The following CYTH4 variants were observed in gnomAD, a reference collection of about 807,000 sequenced individuals.
CYTH4 encodes cytohesin-4.
In CYTH4, 22 loss-of-function variants were observed where a neutral mutation model predicts 57.5. The ratio of observed to expected loss-of-function variants is 0.38; its 90% CI spans 0.27 to 0.55. CYTH4 has a LOEUF of 0.55. Ranked by LOEUF, CYTH4 falls within the 20% of genes least tolerant of loss-of-function variation. CYTH4 has a pLI of 0.74. For synonymous variants in CYTH4, 186 were observed against 206.5 expected (o/e 0.90, Z 0.85); for missense variants, 420 against 535.6 (o/e 0.78, Z 2.13).
intron 8 of CYTH4, among the ~76,000 whole-genome samples, chr22:37,307,091 G>A (rs963229620): frequency 3.3e-5 from 5 of 152,206 alleles, no homozygotes; most frequent in East Asian, 1.9e-4. Context: ...CAGGGCCACC[G>A]GAAGGAGGCC....
chr22:37,296,887 G>C (rs945405103), intron 4 of CYTH4, among the ~76,000 whole-genome samples: 1 of 152,208 alleles, frequency 6.6e-6, no homozygotes, highest in African/African-American at 2.4e-5. Flanking sequence ...GGAACACAGA[G>C]GAATCTTCAC....
At chr22:37,308,859 C>T (rs755835723) in intron 8 of CYTH4, among the ~76,000 whole-genome samples, 6 of 139,286 alleles carry the variant, frequency 4.3e-5, no homozygotes, top group Non-Finnish European at 7.7e-5. Flanking sequence ...TGTGTGTGAA[C>T]GTGCATACAT....
At chr22:37,293,031 G>A (rs761970604) in intron 2 of CYTH4, among the ~76,000 whole-genome samples, 4 of 152,244 alleles carry the variant, frequency 2.6e-5, no homozygotes, top group Non-Finnish European at 5.9e-5. Context: ...CACCCCTGCA[G>A]AGTGTAGACC....
intron 1 of CYTH4, among the ~76,000 whole-genome samples, chr22:37,286,825 T>A (rs558865279): frequency 6.6e-6 from 1 of 152,152 alleles, no homozygotes; most frequent in East Asian, 1.9e-4. Flanking sequence ...ATTTGGGGTC[T>A]TTGTCCCCAG....
In CYTH4 at chr22:37,297,644, C is replaced by G. The variant is rs1929026015; in HGVS notation, c.315C>G (p.Gly105=). The part of the protein sequence containing the change: ...DIARFLYKGE[G]LNKTAIGTYL... ...CACGGTTCCTGTATAAAGGCGAGGG[C>G]CTCAACAAGACAGCCATTGGTACCT... Residue 105 remains glycine (G), a synonymous_variant, in exon 5 of 13, where the codon GGC becomes GGG. Transcript: ENST00000248901. The G allele has an allele frequency of 1.9e-6, 3 of 1,613,818 alleles. No homozygotes were observed. In the African/African-American group the frequency reaches 4.0e-5, roughly 22 times the overall value.
At chr22:37,284,764 G>A (rs961263383) in intron 1 of CYTH4, among the ~76,000 whole-genome samples, 2 of 152,120 alleles carry the variant, frequency 1.3e-5, no homozygotes, top group African/African-American at 4.8e-5. Flanking sequence ...CCCCAGGGCT[G>A]CCTCCCCTCC....
chr22:37,283,150 G>A (rs1432307116), intron 1 of CYTH4, among the ~76,000 whole-genome samples: 2 of 151,494 alleles, frequency 1.3e-5, no homozygotes, highest in African/African-American at 2.4e-5. Context: ...GCCCCCGGGG[G>A]TTGGGGTGGT....
chr22:37,289,951 C>A (rs1020307321), intron 1 of CYTH4, among the ~76,000 whole-genome samples: 1 of 152,164 alleles, frequency 6.6e-6, no homozygotes, highest in Non-Finnish European at 1.5e-5. Flanking sequence ...CCCACACCTG[C>A]CATTCCCCTC....
At chr22:37,287,994 G>C (rs1344392217) in intron 1 of CYTH4, among the ~76,000 whole-genome samples, 1 of 152,172 alleles carries the variant, frequency 6.6e-6, no homozygotes, top group African/African-American at 2.4e-5. Flanking sequence ...AAACTCCAGA[G>C]TGGGCCGGGC....
intron 8 of CYTH4, among the ~76,000 whole-genome samples, chr22:37,303,942 C>T (rs952258477): frequency 6.6e-6 from 1 of 152,182 alleles, no homozygotes; most frequent in African/African-American, 2.4e-5. Context: ...CACAGGGGCC[C>T]CAGGGATGAA....
intron 8 of CYTH4, chr22:37,304,051 G>A (rs1462979335): frequency 2.4e-6 from 1 of 412,474 alleles, no homozygotes; most frequent in East Asian, 7.1e-5. Flanking sequence ...GCTGGCTGTG[G>A]GGATGGAGCT....
intron 7 of CYTH4, 132 bp from the exon 8 acceptor site, chr22:37,303,121 CT>C (rs1236453534): frequency 7.4e-7 from 1 of 1,355,116 alleles, no homozygotes; most frequent in African/African-American, 1.9e-5. Context: ...GAGGCTGGGC[CT>C]CAAAGCCCAA....
rs1234167365 is a variant in CYTH4 at position 37,313,669 on chromosome 22, C to T, written c.*158C>T. 5.7e-6 allele frequency: 4 copies of T among 705,594 alleles called. No individual in the cohort carries two copies. The highest frequency in any genetic ancestry group is 5.3e-5 in the African/African-American group (3 of 56,144). The allele number at this position is 705,594 out of a possible 1,614,324, so 43.7% of individuals were successfully genotyped here. On this transcript the variant is annotated 3_prime_UTR_variant, in exon 13 of 13. Coordinates refer to ENST00000248901, the MANE Select transcript of CYTH4 (RefSeq NM_013385.5). Reference sequence around the variant, plus strand: ...TGACTCTAGAGGGGAAGGCAGAGCTCAGGAGGGTGGGTGGGAGCTGCAGTG... The same window carrying T: ...TGACTCTAGAGGGGAAGGCAGAGCTTAGGAGGGTGGGTGGGAGCTGCAGTG...
chr22:37,311,831 G>A lies in CYTH4; in HGVS notation c.958-189G>A, dbSNP rs527648496. 28 of 774,992 alleles carry A rather than the reference G, an allele frequency of 3.6e-5. No individual in the cohort carries two copies. Among genetic ancestry groups the A allele is most frequent in the Non-Finnish European group, 4.4e-5 (22 of 495,430 alleles). 48.0% of individuals were successfully genotyped at this position (774,992 alleles called of 1,614,324 possible). The stretch of plus-strand genomic sequence containing the variant: ...CCCACATGTCACGTGGGGACTTTAG[G>A]GAGGATGGTGGATTCAGGAGCCTGC... On this transcript the variant is annotated intron_variant, in intron 11 of 12. Transcript: ENST00000248901. The surrounding 1 kb of genome is among the most constrained non-coding windows in gnomAD (Gnocchi z 4.4).
Position 37,292,655 on chromosome 22 carries a change from G to A in CYTH4, c.54G>A (p.Glu18=). Reference sequence around the variant, plus strand: ...AGCTGAGCAGCGGGGAGACGGAAGAGTTACAGAGGATCAAGTGGCACCGAA... The same window carrying A: ...AGCTGAGCAGCGGGGAGACGGAAGAATTACAGAGGATCAAGTGGCACCGAA... ...PAELSSGETE[E]LQRIKWHRKQ... The change falls in exon 2 of 13, where the codon GAG becomes GAA. Residue 18 remains glutamate, a synonymous_variant. Coordinates refer to ENST00000248901, the MANE Select transcript of CYTH4 (RefSeq NM_013385.5). The A allele has an allele frequency of 6.2e-7, 1 of 1,613,942 alleles. No homozygotes were observed.
At chr22:37,310,264 G>A (rs749095433) in intron 9 of CYTH4, among the ~76,000 whole-genome samples, 10 of 152,054 alleles carry the variant, frequency 6.6e-5, no homozygotes, top group Admixed American at 2.0e-4. Context: ...GAAGCTCTAT[G>A]TCATAAATCT....
Position 37,297,696 on chromosome 22 carries a change from G to A in CYTH4, c.353+14G>A, listed in dbSNP as rs746210817. 2 of 1,603,562 alleles carry A rather than the reference G, an allele frequency of 1.2e-6. No individual in the cohort carries two copies. Among genetic ancestry groups the A allele is most frequent in the South Asian group, 1.1e-5 (1 of 90,834 alleles). Reference sequence around the variant, plus strand: ...CCTGGGGGAGAGGTAAGAACGAGTGGAGCCTTAGCGAGGCAGGAAATGAAG... The same window carrying A: ...CCTGGGGGAGAGGTAAGAACGAGTGAAGCCTTAGCGAGGCAGGAAATGAAG... On this transcript the variant is annotated intron_variant, in intron 5 of 12. Coordinates refer to ENST00000248901, the MANE Select transcript of CYTH4 (RefSeq NM_013385.5).
chr22:37,303,462 A>G, intron 8 of CYTH4, 60 bp downstream of exon 8: 2 of 1,560,750 alleles, frequency 1.3e-6, no homozygotes. Context: ...ACCTGTCCTT[A>G]GATGGATGGC....
chr22:37,283,147 G>A (rs1283883434), intron 1 of CYTH4, among the ~76,000 whole-genome samples: 1 of 151,640 alleles, frequency 6.6e-6, no homozygotes, highest in Non-Finnish European at 1.5e-5. Context: ...TTGGCCCCCG[G>A]GGGTTGGGGT....
Sources: allele counts gnomAD v4.1 joint callset (sites outside exome capture counted in the v4.1 genomes callset), GRCh38; gene constraint gnomAD v4.1.1; non-coding constraint Gnocchi (gnomAD v3.1); transcripts MANE v1.5; gene names NCBI Gene and HGNC (gene_info 2026-07-23, HGNC 2026-07-21).